The following ZNF284 variants were observed in gnomAD, a reference collection of about 807,000 sequenced individuals.
The protein encoded by ZNF284 is zinc finger protein 284.
ZNF284 carries 12 observed loss-of-function variants against 12.9 expected under a neutral mutation model. The observed-to-expected ratio is 0.93, with a 90% confidence interval of 0.60 to 1.51. The LOEUF (loss-of-function observed/expected upper bound fraction) is 1.51, where lower values mean the gene tolerates loss of function less well. Among genes scored for constraint, ZNF284 ranks in the 40% most tolerant of loss-of-function variants. ZNF284 has a pLI of 0.00. For missense variants in ZNF284, 667 were observed against 707.3 expected (o/e 0.94, Z 0.65); for synonymous variants, 225 against 236.5 (o/e 0.95, Z 0.45).
rs1290254473 is a variant in ZNF284 at position 44,083,450 on chromosome 19, AAT to A, written c.235+1369_235+1370del. On this transcript the variant is annotated intron_variant, in intron 4 of 4. Coordinates refer to ENST00000421176, the MANE Select transcript of ZNF284 (RefSeq NM_001037813.4). ...CTCTGTCTCAAAAAATAAATAAAGAAATATATATATATATATATATATATAGA... is the reference window on the plus strand; with the variant it reads ...CTCTGTCTCAAAAAATAAATAAAGAAATATATATATATATATATATATAGA... 3.5e-3 allele frequency among the ~76,000 whole-genome samples: 209 copies of A among 60,354 alleles called. 12 individuals are homozygous for A. The highest frequency in any genetic ancestry group is 0.012 in the Admixed American group (78 of 6,314). 39.6% of individuals were successfully genotyped at this position (60,354 alleles called of 152,430 possible).
chr19:44,085,297 T>C (rs143134807), intron 4 of ZNF284: 192 of 162,264 alleles, frequency 1.2e-3, no homozygotes, highest in African/African-American at 4.5e-3. Context: ...GCTGCTGAAG[T>C]GAGCACTACT....
chr19:44,078,813 TAG>T (rs1047280427), intron 2 of ZNF284, among the ~76,000 whole-genome samples: 2 of 152,124 alleles, frequency 1.3e-5, no homozygotes, highest in African/African-American at 4.8e-5. Flanking sequence ...TTTTTTGAAA[TAG>T]AGTCTTGCTG....
chr19:44,076,346 T>G lies in ZNF284; in HGVS notation c.-44T>G. The G allele has an allele frequency of 6.3e-7, 1 of 1,599,534 alleles. No homozygotes were observed. Among genetic ancestry groups the G allele is most frequent in the Non-Finnish European group, 8.5e-7 (1 of 1,171,236 alleles). On this transcript the variant is annotated 5_prime_UTR_variant, in exon 2 of 5. Coordinates refer to ENST00000421176, the MANE Select transcript of ZNF284 (RefSeq NM_001037813.4). ...GGCACAATTCTGTCTTCTCTTGAAC[T>G]GCATAACTGAGAACTCTGCAAATTC...
At chr19:44,079,752 A>G (rs1281659852) in intron 2 of ZNF284, among the ~76,000 whole-genome samples, 2 of 151,806 alleles carry the variant, frequency 1.3e-5, no homozygotes, top group African/African-American at 4.8e-5. Context: ...AAAAAAGAGA[A>G]ACCCCATCTC....
At chr19:44,072,860 G>C (rs931339121) in intron 1 of ZNF284, among the ~76,000 whole-genome samples, 1 of 152,264 alleles carries the variant, frequency 6.6e-6, no homozygotes, top group African/African-American at 2.4e-5. Flanking sequence ...TGCGGTCAGG[G>C]TGTTTCACAG....
chr19:44,076,818 CTTT>C (rs199632689), intron 2 of ZNF284, among the ~76,000 whole-genome samples: 3 of 138,990 alleles, frequency 2.2e-5, no homozygotes, highest in Admixed American at 7.1e-5. Flanking sequence ...ATTGATGCTC[CTTT>C]TTTTTTTTTT....
chr19:44,086,503 T>C lies in ZNF284; in HGVS notation c.1025T>C (p.Leu342Pro), dbSNP rs187624893. The change falls in exon 5 of 5, where the codon CTA becomes CCA. Residue 342 changes from leucine to proline, a missense_variant. Physicochemically the swap from Leu to Pro is moderately conservative, Grantham distance 98 (BLOSUM62 -3). Coordinates refer to ENST00000421176, the MANE Select transcript of ZNF284 (RefSeq NM_001037813.4). ...TGCATGGACCACACAAAAGAGAAAC[T>C]ATACAAATGTGAAGAATGTGGAAGG... Reference protein sequence around the residue: ...SHCMDHTKEKLYKCEECGRSF... With the variant: ...SHCMDHTKEKPYKCEECGRSF... The C allele has an allele frequency of 6.2e-6, 10 of 1,614,142 alleles. No homozygotes were observed. In the South Asian group the frequency reaches 8.8e-5, roughly 14 times the overall value.
intron 2 of ZNF284, among the ~76,000 whole-genome samples, chr19:44,080,379 C>T (rs1967102341): frequency 6.6e-6 from 1 of 152,142 alleles, no homozygotes; most frequent in Non-Finnish European, 1.5e-5. Context: ...GGCAAATCGC[C>T]TGAGGTCGGG....
At position 44,082,061 on chromosome 19, in the gene ZNF284, A is replaced by G. The variant is rs201560410; in HGVS notation, c.191A>G (p.Lys64Arg). ...RDTFHFQREE[K>R]FWIMETATQR... ...ACTTTTCACTTCCAAAGAGAAGAAA[A>G]GTTTTGGATCATGGAGACAGCAACC... Residue 64 changes from lysine to arginine, a missense_variant, in exon 4 of 5, where the codon AAG becomes AGG. By Grantham distance (26) the Lys-to-Arg change is conservative (BLOSUM62 2). Transcript: ENST00000421176. 1 of 1,613,868 alleles carries G rather than the reference A, an allele frequency of 6.2e-7. No homozygotes were observed. The highest frequency in any genetic ancestry group is 8.5e-7 in the Non-Finnish European group (1 of 1,179,906).
chr19:44,087,324 A>C lies in ZNF284; in HGVS notation c.*64A>C, dbSNP rs1292059182. On this transcript the variant is annotated 3_prime_UTR_variant, in exon 5 of 5. Transcript: ENST00000421176. ...CATGTATACAATGTATAATGATCAA[A>C]TCAGTGTTATTAGCATATCCATCAC... The C allele has an allele frequency of 2.5e-6, 3 of 1,190,304 alleles. No individual in the cohort carries two copies. The highest frequency in any genetic ancestry group is 3.4e-6 in the Non-Finnish European group (3 of 876,898). The allele number at this position is 1,190,304 out of a possible 1,614,324, so 73.7% of individuals were successfully genotyped here.
At chr19:44,084,813 G>T (rs1158951913) in intron 4 of ZNF284, among the ~76,000 whole-genome samples, 2 of 152,150 alleles carry the variant, frequency 1.3e-5, no homozygotes, top group African/African-American at 4.8e-5. Flanking sequence ...ATGCAGTCTG[G>T]TGGGGGTGCA....
chr19:44,082,963 A>T (rs1327910679), intron 4 of ZNF284, among the ~76,000 whole-genome samples: 2 of 152,112 alleles, frequency 1.3e-5, no homozygotes, highest in African/African-American at 4.8e-5. Context: ...TGGGAATTGG[A>T]TGTGGACATC....
intron 4 of ZNF284, among the ~76,000 whole-genome samples, chr19:44,083,581 C>A (rs1033102498): frequency 6.7e-6 from 1 of 149,908 alleles, no homozygotes; most frequent in African/African-American, 2.5e-5. Context: ...TAGCTGTCAT[C>A]TCTACCCACT....
Position 44,081,099 on chromosome 19 carries a change from C to T in ZNF284, c.100C>T (p.Arg34Ter), listed in dbSNP as rs371364224. Residue 34 changes from arginine to a stop codon, truncating the protein, a stop_gained, in exon 3 of 5, where the codon CGA becomes TGA. Coordinates refer to ENST00000421176, the MANE Select transcript of ZNF284 (RefSeq NM_001037813.4). LOFTEE classifies it high-confidence loss of function. ...GGACGTTTCCCAGAGGAAGCTGTAT[C>T]GAGATGTCATGCTGGAGAACTTCAG... is the stretch of plus-strand genomic sequence containing the variant. The part of the protein sequence containing the change: ...LLDVSQRKLY[R>*]DVMLENFRNL... 5 of 1,612,916 alleles carry T rather than the reference C, an allele frequency of 3.1e-6. No homozygotes were observed. The highest frequency in any genetic ancestry group is 1.7e-5 in the Admixed American group (1 of 59,986).
chr19:44,076,695 T>C (rs986153125), intron 2 of ZNF284, among the ~76,000 whole-genome samples: 1 of 152,238 alleles, frequency 6.6e-6, no homozygotes, highest in African/African-American at 2.4e-5. Context: ...ATGCTATTCC[T>C]CATGTATATT....
At position 44,083,460 on chromosome 19, in the gene ZNF284, T is replaced by TAC. The variant is rs1277968350; in HGVS notation, c.235+1356_235+1357insCA. Reference sequence around the variant, plus strand: ...AAAAATAAATAAAGAAATATATATATATATATATATATATAGAGAGAGAGA... The same window carrying TAC: ...AAAAATAAATAAAGAAATATATATATACATATATATATATATAGAGAGAGAGA... On this transcript the variant is annotated intron_variant, in intron 4 of 4. Coordinates refer to ENST00000421176, the MANE Select transcript of ZNF284 (RefSeq NM_001037813.4). Among the ~76,000 whole-genome samples the TAC allele has an allele frequency of 3.6e-4, 19 of 52,852 alleles. 1 individual carries two copies. Among genetic ancestry groups the TAC allele is most frequent in the Non-Finnish European group, 7.4e-4 (15 of 20,264 alleles). 34.7% of individuals were successfully genotyped at this position (52,852 alleles called of 152,430 possible). A position where few individuals can be genotyped will look rare whatever the true frequency, so the allele number is the denominator to read the frequency against.
chr19:44,081,891 T>G, intron 3 of ZNF284, 122 bp from the exon 4 acceptor site: 3 of 676,624 alleles, frequency 4.4e-6, no homozygotes, highest in South Asian at 2.1e-5. Context: ...CAATTCAAGA[T>G]GAGATTTGGG....
chr19:44,076,452 T>C (rs1255418113), intron 2 of ZNF284, 48 bp downstream of exon 2: 2 of 1,585,118 alleles, frequency 1.3e-6, no homozygotes, highest in African/African-American at 2.7e-5. Context: ...TTTTGCTACT[T>C]AAGATTGTCA....
In ZNF284 at chr19:44,087,381, C is replaced by A; in HGVS notation, c.*121C>A. On this transcript the variant is annotated 3_prime_UTR_variant, in exon 5 of 5. Coordinates refer to ENST00000421176, the MANE Select transcript of ZNF284 (RefSeq NM_001037813.4). ...TATCATTTATTTGTGGATCATTTATCATTTCTTTGTGCTTTGAACGTTCAA... is the reference window on the plus strand; with the variant it reads ...TATCATTTATTTGTGGATCATTTATAATTTCTTTGTGCTTTGAACGTTCAA... 1.2e-6 allele frequency: 1 copy of A among 848,262 alleles called. No homozygotes were observed. Among genetic ancestry groups the A allele is most frequent in the Non-Finnish European group, 1.7e-6 (1 of 586,652 alleles). 52.5% of individuals were successfully genotyped at this position (848,262 alleles called of 1,614,324 possible). A position where few individuals can be genotyped will look rare whatever the true frequency, so the allele number is the denominator to read the frequency against.
Sources: gnomAD v4.1 joint callset for allele counts (sites outside exome capture counted in the v4.1 genomes callset) on GRCh38, gnomAD v4.1.1 for gene constraint, MANE v1.5 for transcripts, NCBI Gene and HGNC (gene_info 2026-07-23, HGNC 2026-07-21) for gene names.